CACNB2: variants seen among roughly 807,000 people sequenced by gnomAD.
The protein encoded by CACNB2 is calcium voltage-gated channel auxiliary subunit beta 2.
CACNB2 carries 42 observed loss-of-function variants against 73.3 expected under a neutral mutation model. That is an observed-to-expected ratio of 0.57 (90% CI 0.45 to 0.74). The LOEUF is 0.74. Among genes scored for constraint, CACNB2 ranks in the 30% least tolerant of loss-of-function variants. The pLI is 0.00. For synonymous variants in CACNB2, 348 were observed against 310.3 expected (o/e 1.12, Z -1.28); for missense variants, 940 against 853.0 (o/e 1.10, Z -1.27).
intron 2 of CACNB2, among the ~76,000 whole-genome samples, chr10:18,152,753 C>G (rs2031707213): frequency 7.6e-6 from 1 of 132,262 alleles, no homozygotes; most frequent in African/African-American, 2.8e-5. Context: ...AACACTAGCT[C>G]CTTAGTGTGC....
intron 2 of CACNB2, among the ~76,000 whole-genome samples, chr10:18,167,107 T>C (rs1359926651): frequency 1.3e-5 from 2 of 152,164 alleles, no homozygotes; most frequent in African/African-American, 4.8e-5. Flanking sequence ...AGAATAATTA[T>C]TAGCTGCTTA....
At chr10:18,286,387 G>A (rs981681421) in intron 2 of CACNB2, among the ~76,000 whole-genome samples, 13 of 151,598 alleles carry the variant, frequency 8.6e-5, no homozygotes, top group South Asian at 4.2e-4. Flanking sequence ...GCGCGGTGGC[G>A]GGCGCCTGTA....
At chr10:18,228,500 T>C (rs1012729861) in intron 2 of CACNB2, among the ~76,000 whole-genome samples, 7 of 143,690 alleles carry the variant, frequency 4.9e-5, no homozygotes, top group Admixed American at 2.1e-4. Context: ...TAGGCAAAGA[T>C]GGAAAGCATC....
intron 3 of CACNB2, among the ~76,000 whole-genome samples, chr10:18,492,589 C>G (rs561645339): frequency 2.9e-5 from 4 of 139,424 alleles, no homozygotes; most frequent in African/African-American, 1.1e-4. Flanking sequence ...CCACTTCACT[C>G]CAGCCTGAGT....
chr10:18,394,782 G>A (rs2043641045), intron 2 of CACNB2, among the ~76,000 whole-genome samples: 1 of 152,170 alleles, frequency 6.6e-6, no homozygotes, highest in South Asian at 2.1e-4. Context: ...TTAATAAGAT[G>A]TATTATTATG....
intron 4 of CACNB2, 59 bp downstream of exon 4, chr10:18,498,536 T>C: frequency 6.4e-7 from 1 of 1,564,900 alleles, no homozygotes; most frequent in Non-Finnish European, 8.8e-7. Context: ...ATACCATTTC[T>C]TATTTCCTAT....
intron 2 of CACNB2, among the ~76,000 whole-genome samples, chr10:18,381,417 A>G (rs2043011611): frequency 6.6e-6 from 1 of 152,068 alleles, no homozygotes; most frequent in Admixed American, 6.6e-5. Context: ...GTAGCAGGGC[A>G]CCGTGGCTCA....
At chr10:18,481,454 C>A (rs544685368) in intron 3 of CACNB2, among the ~76,000 whole-genome samples, 114 of 150,912 alleles carry the variant, frequency 7.6e-4, no homozygotes, top group African/African-American at 2.7e-3. Context: ...ACCATGTTGG[C>A]CAGGCTGGTC....
rs780755656 is a variant in CACNB2, at chr10:18,151,010, C to G, written c.213+35C>G. 6.4e-6 allele frequency: 8 copies of G among 1,244,050 alleles called. No individual in the cohort carries two copies. In the South Asian group the frequency reaches 9.6e-5, roughly 15 times the overall value. 77.1% of individuals were successfully genotyped at this position (1,244,050 alleles called of 1,614,324 possible). On this transcript the variant is annotated intron_variant, in intron 2 of 13. Transcript: ENST00000324631. ...TTAAGTTCATGGTTTTGATAAGTAC[C>G]TTAAAATGACTTTAGATTTTTAAAG...
At chr10:18,401,295 C>T (rs1215596474) in intron 2 of CACNB2, among the ~76,000 whole-genome samples, 1 of 152,126 alleles carries the variant, frequency 6.6e-6, no homozygotes, top group Admixed American at 6.5e-5. Context: ...GATGAGCTAT[C>T]CCAGGCAGGT....
chr10:18,466,082 A>T (rs1296140251), intron 3 of CACNB2, among the ~76,000 whole-genome samples: 1 of 152,182 alleles, frequency 6.6e-6, no homozygotes, highest in Non-Finnish European at 1.5e-5. Flanking sequence ...ACATACAGGC[A>T]CACCTCCCTA....
intron 2 of CACNB2, among the ~76,000 whole-genome samples, chr10:18,308,661 G>A (rs1374839538): frequency 6.6e-6 from 1 of 152,186 alleles, no homozygotes; most frequent in Non-Finnish European, 1.5e-5. Flanking sequence ...ATGAGATCTG[G>A]CTCTTGGGGT....
At chr10:18,280,235 A>C (rs1444991134) in intron 2 of CACNB2, among the ~76,000 whole-genome samples, 1 of 152,194 alleles carries the variant, frequency 6.6e-6, no homozygotes, top group East Asian at 1.9e-4. Flanking sequence ...CAAGAATAAA[A>C]ACTAGAAAAA....
chr10:18,318,000 C>T (rs1280307041), intron 2 of CACNB2, among the ~76,000 whole-genome samples: 1 of 152,174 alleles, frequency 6.6e-6, no homozygotes, highest in Non-Finnish European at 1.5e-5. Flanking sequence ...GGAAAACATT[C>T]TATGCTCATG....
chr10:18,297,818 T>C (rs1010558092), intron 2 of CACNB2, among the ~76,000 whole-genome samples: 1 of 152,108 alleles, frequency 6.6e-6, no homozygotes, highest in Non-Finnish European at 1.5e-5. Context: ...TAAAGTGCAT[T>C]GGAGTGCACT....
intron 11 of CACNB2, 93 bp from the exon 12 acceptor site, chr10:18,536,008 A>T: frequency 1.3e-6 from 1 of 750,970 alleles, no homozygotes; most frequent in Non-Finnish European, 2.4e-6. Context: ...TGTGCTGTAT[A>T]TAAAAAGGCC....
chr10:18,408,058 G>C (rs1448924691), intron 3 of CACNB2, among the ~76,000 whole-genome samples: 2 of 152,014 alleles, frequency 1.3e-5, no homozygotes, highest in African/African-American at 4.8e-5. Context: ...ACTTCATGAA[G>C]ATTATGAAGT....
At chr10:18,317,631 C>T (rs1199313637) in intron 2 of CACNB2, among the ~76,000 whole-genome samples, 1 of 152,122 alleles carries the variant, frequency 6.6e-6, no homozygotes, top group African/African-American at 2.4e-5. Flanking sequence ...TTATCCAGTG[C>T]ACCAGCAACA....
chr10:18,384,763 C>A (rs931949790), intron 2 of CACNB2, among the ~76,000 whole-genome samples: 9 of 147,580 alleles, frequency 6.1e-5, no homozygotes, highest in African/African-American at 1.0e-4. Flanking sequence ...ACAAAAAAAA[C>A]CCACAAAACC....
Sources: gnomAD v4.1 joint callset for allele counts (sites outside exome capture counted in the v4.1 genomes callset) on GRCh38, gnomAD v4.1.1 for gene constraint, MANE v1.5 for transcripts, NCBI Gene and HGNC (gene_info 2026-07-23, HGNC 2026-07-21) for gene names.